Variants in PPFIBP1 observed in about 807,000 individuals in gnomAD.
PPFIBP1 encodes PPFIB scaffold protein 1.
PPFIBP1 carries 112 observed loss-of-function variants against 137.8 expected under a neutral mutation model. That is an observed-to-expected ratio of 0.81 (90% CI 0.70 to 0.95). The LOEUF (loss-of-function observed/expected upper bound fraction) is 0.95. Among genes scored for constraint, PPFIBP1 ranks in the 40% least tolerant of loss-of-function variants. The pLI, the probability that PPFIBP1 is intolerant of heterozygous loss-of-function variation, is 0.00. For synonymous variants in PPFIBP1, 378 were observed against 417.3 expected, an observed-to-expected ratio of 0.91 and a Z score of 1.15; for missense variants, 1,083 against 1,196.6, an observed-to-expected ratio of 0.91 and a Z score of 1.40.
chr12:27,606,803 C>A (rs1249193100), intron 2 of PPFIBP1, among the ~76,000 whole-genome samples: 1 of 152,158 alleles, frequency 6.6e-6, no homozygotes, highest in East Asian at 1.9e-4. Flanking sequence ...AACAAGTGGG[C>A]CACAGATTAG....
intron 7 of PPFIBP1, among the ~76,000 whole-genome samples, chr12:27,653,968 T>A (rs2059039657): frequency 6.6e-6 from 1 of 152,134 alleles, no homozygotes; most frequent in Admixed American, 6.5e-5. Context: ...GTAAACTCAA[T>A]CCCTGATAAT....
chr12:27,638,985 T>C (rs2057903491), intron 4 of PPFIBP1, among the ~76,000 whole-genome samples: 1 of 152,200 alleles, frequency 6.6e-6, no homozygotes, highest in Admixed American at 6.5e-5. Context: ...TCATTTTACC[T>C]GGGCCAGGGA....
intron 1 of PPFIBP1, among the ~76,000 whole-genome samples, chr12:27,572,124 A>G (rs149755631): frequency 5.3e-5 from 8 of 152,276 alleles, no homozygotes; most frequent in South Asian, 2.1e-4. Context: ...ATTGTTATGT[A>G]ATTTTTATGC....
chr12:27,647,648 T>TC (rs955828088), intron 5 of PPFIBP1, 81 bp from the exon 6 acceptor site: 1 of 842,854 alleles, frequency 1.2e-6, no homozygotes. Context: ...CATTCCTTTT[T>TC]TTGTTCCATT....
chr12:27,680,125 C>A, intron 21 of PPFIBP1, 64 bp downstream of exon 21: 3 of 1,587,376 alleles, frequency 1.9e-6, no homozygotes, highest in Non-Finnish European at 2.6e-6. Context: ...ATGAGTCCTG[C>A]AGTATTAGTA....
chr12:27,549,579 A>T (rs978062142), intron 1 of PPFIBP1: 1 of 151,562 alleles, frequency 6.6e-6, no homozygotes, highest in Non-Finnish European at 1.5e-5. Context: ...AAAAAAAAAA[A>T]GAAGAATGAA....
chr12:27,611,798 C>G (rs1193552548), intron 2 of PPFIBP1, among the ~76,000 whole-genome samples: 1 of 150,124 alleles, frequency 6.7e-6, no homozygotes, highest in East Asian at 1.9e-4. Context: ...CTCTCTCTCT[C>G]TCTCTCTCTC....
chr12:27,661,085 C>T, intron 11 of PPFIBP1, 140 bp downstream of exon 11: 2 of 1,294,914 alleles, frequency 1.5e-6, no homozygotes, highest in South Asian at 3.2e-5. Context: ...GTGCACACTC[C>T]CAGGTGGGCT....
At chr12:27,644,928 C>G (rs549235753) in intron 4 of PPFIBP1, among the ~76,000 whole-genome samples, 2 of 149,042 alleles carry the variant, frequency 1.3e-5, no homozygotes, top group South Asian at 4.2e-4. Context: ...TTTTTTCTTC[C>G]CCCTTCCCAG....
At chr12:27,566,947 T>A (rs933787772) in intron 1 of PPFIBP1, among the ~76,000 whole-genome samples, 9 of 152,222 alleles carry the variant, frequency 5.9e-5, no homozygotes, top group Non-Finnish European at 1.2e-4. Context: ...TTATAATAAG[T>A]CTGTTCCTGC....
chr12:27,674,114 T>C (rs1335847218), intron 16 of PPFIBP1, 78 bp from the exon 17 acceptor site: 2 of 1,084,354 alleles, frequency 1.8e-6, no homozygotes, highest in African/African-American at 3.2e-5. Flanking sequence ...TTTTAACTTA[T>C]GGAGTTGTAT....
chr12:27,602,158 G>A lies in PPFIBP1; in HGVS notation c.-36+23919G>A, dbSNP rs137990617. Reference sequence around the variant, plus strand: ...TAGAAGCAGATGGGACAATATTCTAGCGTCAGGATTGGGCTAACTTTCTTG... The same window carrying A: ...TAGAAGCAGATGGGACAATATTCTAACGTCAGGATTGGGCTAACTTTCTTG... On this transcript the variant is annotated intron_variant, in intron 2 of 29. Transcript: ENST00000228425. 1.1e-3 allele frequency among the ~76,000 whole-genome samples: 163 copies of A among 152,248 alleles called. 1 individual carries two copies. The highest frequency in any genetic ancestry group is 1.9e-3 in the Non-Finnish European group (130 of 68,008).
intron 4 of PPFIBP1, among the ~76,000 whole-genome samples, chr12:27,643,428 T>C (rs2058252586): frequency 7.6e-6 from 1 of 131,538 alleles, no homozygotes; most frequent in African/African-American, 3.2e-5. Context: ...TTCAGAGTAA[T>C]GCCTGCTGTA....
At position 27,688,075 on chromosome 12, in the gene PPFIBP1, A is replaced by T. The variant is rs1357619156; in HGVS notation, c.2371-223A>T. 1.6e-5 allele frequency: 8 copies of T among 490,374 alleles called. No homozygotes were observed. In the East Asian group the frequency reaches 3.0e-4, roughly 19 times the overall value. 30.4% of individuals were successfully genotyped at this position (490,374 alleles called of 1,614,324 possible). The stretch of plus-strand genomic sequence containing the variant: ...CAACGCCAGCGTGGGTAAGAGAATT[A>T]GACCCTGTCTTAAAAAAAAAAAAGA... On this transcript the variant is annotated intron_variant, in intron 25 of 29. Transcript: ENST00000228425.
In PPFIBP1 at chr12:27,680,016, C is replaced by T. The variant is rs372542352; in HGVS notation, c.1850C>T (p.Ala617Val). 1.5e-5 allele frequency: 24 copies of T among 1,613,952 alleles called. No individual in the cohort carries two copies. In the African/African-American group the frequency reaches 1.7e-4, roughly 12 times the overall value. ...AAAAGAGGAGGGACAAGGGCAACCG[C>T]GGGGCCCCGATTAGGTTGGTCTCGA... ...EFKRGGTRAT[A>V]GPRLGWSRDL... Residue 617 changes from alanine to valine, a missense_variant, in exon 21 of 30, where the codon GCG becomes GTG. Physicochemically the swap from Ala to Val is moderately conservative, Grantham distance 64. Transcript: ENST00000228425.
chr12:27,595,918 T>C, intron 2 of PPFIBP1, among the ~76,000 whole-genome samples: 1 of 121,950 alleles, frequency 8.2e-6, no homozygotes, highest in South Asian at 2.7e-4. Context: ...TATATATATA[T>C]ATATTTTATG....
chr12:27,599,411 A>G, intron 2 of PPFIBP1: 1 of 455,196 alleles, frequency 2.2e-6, no homozygotes, highest in Non-Finnish European at 4.4e-6. Context: ...CTGGAGCTAT[A>G]CCCTTGGGTT....
intron 17 of PPFIBP1, among the ~76,000 whole-genome samples, chr12:27,676,047 C>T (rs779262746): frequency 7.9e-5 from 12 of 152,162 alleles, no homozygotes; most frequent in South Asian, 2.1e-4. Context: ...TAGCTAAATC[C>T]GTGACATAAT....
At chr12:27,578,452 C>T (rs1012215404) in intron 2 of PPFIBP1, among the ~76,000 whole-genome samples, 2 of 152,134 alleles carry the variant, frequency 1.3e-5, no homozygotes, top group Admixed American at 1.3e-4. Flanking sequence ...AGGATTTAGA[C>T]GCGGTGTGGC....
Sources: allele counts gnomAD v4.1 joint callset (sites outside exome capture counted in the v4.1 genomes callset), GRCh38; gene constraint gnomAD v4.1.1; transcripts MANE v1.5; gene names NCBI Gene and HGNC (gene_info 2026-07-23, HGNC 2026-07-21).